Variants in PEBP4 observed in about 807,000 individuals in gnomAD.
The protein encoded by PEBP4 is phosphatidylethanolamine binding protein 4, also known as phosphatidylethanolamine-binding protein 4.
A neutral mutation model predicts 23.9 loss-of-function variants in PEBP4; 22 were observed. That is an observed-to-expected ratio of 0.92 (90% CI 0.66 to 1.31). The LOEUF is 1.31. PEBP4 is among the 40% of genes most tolerant of loss of function. PEBP4 has a pLI of 0.00. For synonymous variants in PEBP4, 112 were observed against 99.3 expected (o/e 1.13, Z -0.76); for missense variants, 324 against 281.7 (o/e 1.15, Z -1.07).
At chr8:22,838,586 TG>T (rs1208411813) in intron 3 of PEBP4, among the ~76,000 whole-genome samples, 6 of 152,214 alleles carry the variant, frequency 3.9e-5, no homozygotes, top group Admixed American at 1.3e-4. Flanking sequence ...AAAGCACTGG[TG>T]GGGTTGGCTC....
chr8:22,820,038 G>A (rs1710755440), intron 3 of PEBP4, among the ~76,000 whole-genome samples: 1 of 152,182 alleles, frequency 6.6e-6, no homozygotes, highest in African/African-American at 2.4e-5. Context: ...GAGGGGACAC[G>A]ATCCAGAGTG....
At chr8:22,883,902 A>T (rs1808316099) in intron 3 of PEBP4, 1 of 146,300 alleles carries the variant, frequency 6.8e-6, no homozygotes, top group Non-Finnish European at 1.5e-5. Flanking sequence ...CGGGGGATAC[A>T]AAAAAAAGGG....
chr8:22,934,136 A>C (rs1809502098), intron 1 of PEBP4, among the ~76,000 whole-genome samples: 1 of 152,178 alleles, frequency 6.6e-6, no homozygotes, highest in South Asian at 2.1e-4. Flanking sequence ...CAAGATGCAA[A>C]CACCACCCAT....
chr8:22,713,277 A>C lies in PEBP4; in HGVS notation c.*93T>G. On this transcript the variant is annotated 3_prime_UTR_variant, in exon 7 of 7. Transcript: ENST00000256404. ...CCTGGATGATTTTTTTTTTATTTGGAAAAGAAGGGGTTCTGTATCCAGAGG... is the reference window on the plus strand; with the variant it reads ...CCTGGATGATTTTTTTTTTATTTGGCAAAGAAGGGGTTCTGTATCCAGAGG... 2 of 1,447,732 alleles carry C rather than the reference A, an allele frequency of 1.4e-6. No homozygotes were observed. 89.7% of individuals were successfully genotyped at this position (1,447,732 alleles called of 1,614,324 possible). A position where few individuals can be genotyped will look rare whatever the true frequency, so the allele number is the denominator to read the frequency against.
intron 4 of PEBP4, among the ~76,000 whole-genome samples, chr8:22,809,257 T>A (rs563480120): frequency 6.6e-6 from 1 of 152,250 alleles, no homozygotes; most frequent in East Asian, 1.9e-4. Flanking sequence ...AGGAAACAGA[T>A]TCAGGGAGGT....
At chr8:22,849,318 G>A (rs1448221491) in intron 3 of PEBP4, among the ~76,000 whole-genome samples, 1 of 152,162 alleles carries the variant, frequency 6.6e-6, no homozygotes, top group Non-Finnish European at 1.5e-5. Flanking sequence ...GCCTTCTACT[G>A]GGAGATGCGT....
intron 4 of PEBP4, among the ~76,000 whole-genome samples, chr8:22,749,309 C>T (rs1052658653): frequency 2.6e-5 from 4 of 152,212 alleles, no homozygotes; most frequent in African/African-American, 7.2e-5. Flanking sequence ...GCTTCCTCCA[C>T]GTGTCTCTGT....
At chr8:22,807,706 C>G (rs889034391) in intron 4 of PEBP4, among the ~76,000 whole-genome samples, 2 of 152,142 alleles carry the variant, frequency 1.3e-5, no homozygotes, top group African/African-American at 4.8e-5. Flanking sequence ...TCCAGGCCTG[C>G]TCATAATTTC....
At chr8:22,789,851 T>C (rs938979610) in intron 4 of PEBP4, among the ~76,000 whole-genome samples, 11 of 152,264 alleles carry the variant, frequency 7.2e-5, no homozygotes, top group African/African-American at 2.7e-4. Flanking sequence ...ACTTCATTTT[T>C]ACCGAGTTCA....
At chr8:22,847,257 G>T (rs1807458493) in intron 3 of PEBP4, among the ~76,000 whole-genome samples, 1 of 152,122 alleles carries the variant, frequency 6.6e-6, no homozygotes, top group South Asian at 2.1e-4. Context: ...AGTCAGATCT[G>T]CCATCCTCTC....
intron 3 of PEBP4, among the ~76,000 whole-genome samples, chr8:22,864,199 C>T (rs547013947): frequency 6.6e-6 from 1 of 152,348 alleles, no homozygotes; most frequent in South Asian, 2.1e-4. Context: ...ATTATAGTCT[C>T]AGCTCAGGTG....
chr8:22,838,034 G>A (rs963807578), intron 3 of PEBP4, among the ~76,000 whole-genome samples: 4 of 151,024 alleles, frequency 2.6e-5, no homozygotes, highest in African/African-American at 2.4e-5. Context: ...GAGTAGCTGG[G>A]GCTACAGGCA....
intron 4 of PEBP4, among the ~76,000 whole-genome samples, chr8:22,791,243 A>G (rs10102337): frequency 0.59 from 90,019 of 151,808 alleles, 26,891 homozygotes; most frequent in South Asian, 0.71. Flanking sequence ...GCTGAGGAGC[A>G]GAGAAGGGAG....
intron 3 of PEBP4, among the ~76,000 whole-genome samples, chr8:22,856,624 T>C (rs1807658248): frequency 1.3e-5 from 2 of 152,168 alleles, no homozygotes; most frequent in East Asian, 1.9e-4. Flanking sequence ...GGATGAGGCA[T>C]GAGAATTGCT....
At chr8:22,807,678 C>T (rs1461764456) in intron 4 of PEBP4, among the ~76,000 whole-genome samples, 3 of 152,076 alleles carry the variant, frequency 2.0e-5, no homozygotes, top group Non-Finnish European at 2.9e-5. Context: ...AATGCAATTG[C>T]TTGTATCCTC....
intron 3 of PEBP4, among the ~76,000 whole-genome samples, chr8:22,832,253 C>T (rs567187245): frequency 1.3e-4 from 20 of 152,236 alleles, no homozygotes; most frequent in Middle Eastern, 3.4e-3. Flanking sequence ...GGTGTTCGGA[C>T]GTGGGGCCTC....
intron 3 of PEBP4, among the ~76,000 whole-genome samples, chr8:22,906,261 T>A (rs537134480): frequency 6.6e-6 from 1 of 152,244 alleles, no homozygotes; most frequent in Admixed American, 6.5e-5. Context: ...GCCTCCTCTG[T>A]CCAGCCTTGG....
chr8:22,759,579 T>G (rs992493962), intron 4 of PEBP4, among the ~76,000 whole-genome samples: 1 of 152,144 alleles, frequency 6.6e-6, no homozygotes, highest in African/African-American at 2.4e-5. Flanking sequence ...CTGGAGTCAG[T>G]GGTCCTGCCT....
intron 4 of PEBP4, among the ~76,000 whole-genome samples, chr8:22,729,606 G>A (rs1480860995): frequency 6.6e-6 from 1 of 152,214 alleles, no homozygotes; most frequent in East Asian, 1.9e-4. Context: ...GGCCAGCATA[G>A]GCAAAGATTC....
Sources: allele counts gnomAD v4.1 joint callset (sites outside exome capture counted in the v4.1 genomes callset), GRCh38; gene constraint gnomAD v4.1.1; transcripts MANE v1.5; gene names NCBI Gene and HGNC (gene_info 2026-07-23, HGNC 2026-07-21).